The following ITGBL1 variants were observed in gnomAD, a reference collection of about 807,000 sequenced individuals.
The protein encoded by ITGBL1 is integrin beta-like protein 1.
A neutral mutation model predicts 68.5 loss-of-function variants in ITGBL1; 51 were observed. The observed-to-expected ratio is 0.74, with a 90% CI of 0.59 to 0.94. The LOEUF is 0.94. Among genes scored for constraint, ITGBL1 ranks in the 40% least tolerant of loss-of-function variants. The probability of loss-of-function intolerance (pLI) is 0.00; values close to 1 mark genes in which losing one functional copy is unlikely to be tolerated. For missense variants in ITGBL1, 649 were observed against 647.4 expected, an observed-to-expected ratio of 1.00 and a Z score of -0.03; for synonymous variants, 209 against 227.3, an observed-to-expected ratio of 0.92 and a Z score of 0.72.
rs149978772 is a variant in ITGBL1 at position 101,690,628 on chromosome 13, G to T, written c.1016-1957G>T. On this transcript the variant is annotated intron_variant, in intron 7 of 10. Transcript: ENST00000376180. Reference sequence around the variant, plus strand: ...CATTTGCACATCCACCCATGAAAAAGATTAGAGCATTTATGCACATTGAAA... The same window carrying T: ...CATTTGCACATCCACCCATGAAAAATATTAGAGCATTTATGCACATTGAAA... 3.3e-3 allele frequency among the ~76,000 whole-genome samples: 508 copies of T among 152,146 alleles called. 5 individuals carry two copies. The highest frequency in any genetic ancestry group is 0.012 in the African/African-American group (491 of 41,496).
chr13:101,604,908 ATG>A, intron 7 of ITGBL1, among the ~76,000 whole-genome samples: 2 of 125,470 alleles, frequency 1.6e-5, no homozygotes, highest in Non-Finnish European at 3.4e-5. Context: ...ACACATATAT[ATG>A]TGCATATATG....
rs7994522 is a variant in ITGBL1 at position 101,610,766 on chromosome 13, C to T, written c.1015+12467C>T. On this transcript the variant is annotated intron_variant, in intron 7 of 10. Transcript: ENST00000376180. ...CCCTTACAGAAAAAACCTGCTACCC[C>T]TGAGCTAAGCATTTGTGATAATTGT... Among the ~76,000 whole-genome samples the T allele has an allele frequency of 7.9e-3, 1,204 of 152,182 alleles. 16 individuals are homozygous for T. Among genetic ancestry groups the T allele is most frequent in the African/African-American group, 0.028 (1,166 of 41,518 alleles).
chr13:101,569,224 T>C (rs1458395784), intron 3 of ITGBL1, among the ~76,000 whole-genome samples: 1 of 152,080 alleles, frequency 6.6e-6, no homozygotes, highest in East Asian at 1.9e-4. Flanking sequence ...GGGTTTGAAA[T>C]CTATTTTGGG....
chr13:101,572,145 T>C (rs1196624976), intron 3 of ITGBL1, among the ~76,000 whole-genome samples: 1 of 152,182 alleles, frequency 6.6e-6, no homozygotes, highest in Non-Finnish European at 1.5e-5. Context: ...TTCTCACCTG[T>C]CTTTCTTTTA....
chr13:101,648,661 A>C (rs2032643133), intron 7 of ITGBL1, among the ~76,000 whole-genome samples: 2 of 152,230 alleles, frequency 1.3e-5, no homozygotes, highest in African/African-American at 2.4e-5. Context: ...AAAACCATTA[A>C]AATTATTAAA....
chr13:101,706,426 C>T (rs138935968), intron 8 of ITGBL1, among the ~76,000 whole-genome samples: 46 of 152,184 alleles, frequency 3.0e-4, no homozygotes, highest in African/African-American at 1.1e-3. Context: ...ATGGTGTGTG[C>T]AATGAAGAAT....
At chr13:101,666,091 C>T (rs2033209693) in intron 7 of ITGBL1, among the ~76,000 whole-genome samples, 1 of 152,108 alleles carries the variant, frequency 6.6e-6, no homozygotes, top group Non-Finnish European at 1.5e-5. Flanking sequence ...TGCTGTACTG[C>T]CCACTGCCAG....
chr13:101,574,099 ATCT>A (rs1250905278), intron 3 of ITGBL1, among the ~76,000 whole-genome samples: 2 of 152,160 alleles, frequency 1.3e-5, no homozygotes, highest in African/African-American at 2.4e-5. Context: ...AACCAGAGTA[ATCT>A]GGTAAAAATT....
At chr13:101,693,993 G>C (rs973848439) in intron 8 of ITGBL1, among the ~76,000 whole-genome samples, 4 of 152,140 alleles carry the variant, frequency 2.6e-5, no homozygotes, top group Non-Finnish European at 4.4e-5. Context: ...TGTCATGGCA[G>C]CCACCCTAAG....
At chr13:101,467,261 C>G (rs995841584) in intron 2 of ITGBL1, among the ~76,000 whole-genome samples, 12 of 152,142 alleles carry the variant, frequency 7.9e-5, no homozygotes, top group African/African-American at 2.7e-4. Context: ...GGAAACCTCA[C>G]ATCAGTGGGA....
At chr13:101,479,624 C>A (rs889906015) in intron 2 of ITGBL1, among the ~76,000 whole-genome samples, 1 of 151,604 alleles carries the variant, frequency 6.6e-6, no homozygotes, top group Non-Finnish European at 1.5e-5. Flanking sequence ...AAAAAAAAAT[C>A]TAAAAATCCA....
intron 5 of ITGBL1, among the ~76,000 whole-genome samples, chr13:101,580,774 T>C (rs139523220): frequency 6.6e-6 from 1 of 152,242 alleles, no homozygotes; most frequent in East Asian, 1.9e-4. Flanking sequence ...GAAAATGGAA[T>C]TGGTTGGGCT....
At chr13:101,509,908 A>G in intron 2 of ITGBL1, among the ~76,000 whole-genome samples, 1 of 89,804 alleles carries the variant, frequency 1.1e-5, no homozygotes, top group Non-Finnish European at 2.4e-5. Flanking sequence ...CAATTAACTT[A>G]CTTAATTCAA....
At chr13:101,602,086 G>A (rs1460974268) in intron 7 of ITGBL1, among the ~76,000 whole-genome samples, 1 of 152,002 alleles carries the variant, frequency 6.6e-6, no homozygotes, top group Non-Finnish European at 1.5e-5. Flanking sequence ...CTTAAGGTAT[G>A]TTCAATTTCA....
chr13:101,715,565 A>C lies in ITGBL1; in HGVS notation c.1396A>C (p.Asn466His). 6.2e-7 allele frequency: 1 copy of C among 1,607,476 alleles called. No homozygotes were observed. The highest frequency in any genetic ancestry group is 1.1e-5 in the South Asian group (1 of 90,928). Residue 466 changes from asparagine (N) to histidine (H), a missense_variant and splice_region_variant, in exon 11 of 11, where the codon AAT becomes CAT. Asn to His is a moderately conservative substitution (Grantham distance 68, BLOSUM62 1). Transcript: ENST00000376180. ...DKHDGLICTG[N>H]GICSCGNCEC... ...TACCTATATGTATTTTATTGCAGGG[A>C]ATGGAATATGTAGCTGTGGAAACTG...
intron 2 of ITGBL1, among the ~76,000 whole-genome samples, chr13:101,542,261 GT>G (rs1388247814): frequency 6.6e-6 from 1 of 152,132 alleles, no homozygotes; most frequent in Non-Finnish European, 1.5e-5. Flanking sequence ...TTGTGTCTTT[GT>G]TCTCATTGGT....
chr13:101,525,526 G>GT (rs1555356247), intron 2 of ITGBL1, among the ~76,000 whole-genome samples: 4,607 of 107,090 alleles, frequency 0.043, 234 homozygotes, highest in African/African-American at 0.11. Context: ...CAGGCACCTT[G>GT]TTTTTTTTTT....
At chr13:101,639,429 C>T (rs2032289478) in intron 7 of ITGBL1, among the ~76,000 whole-genome samples, 1 of 152,012 alleles carries the variant, frequency 6.6e-6, no homozygotes, top group African/African-American at 2.4e-5. Context: ...GAGTCATCTC[C>T]AAGTTATTTC....
intron 7 of ITGBL1, among the ~76,000 whole-genome samples, chr13:101,614,634 GT>G (rs1318924651): frequency 6.6e-6 from 1 of 152,062 alleles, no homozygotes; most frequent in Non-Finnish European, 1.5e-5. Flanking sequence ...TGTCTGCTTT[GT>G]CCCCAGGTTT....
Sources: allele counts gnomAD v4.1 joint callset (sites outside exome capture counted in the v4.1 genomes callset), GRCh38; gene constraint gnomAD v4.1.1; transcripts MANE v1.5; gene names NCBI Gene and HGNC (gene_info 2026-07-23, HGNC 2026-07-21).